Variants in DNAJC13 observed in about 807,000 individuals in gnomAD.
The protein encoded by DNAJC13 is DnaJ heat shock protein family (Hsp40) member C13.
Under a neutral mutation model 290.5 loss-of-function variants are expected in DNAJC13, and 75 were observed. The observed-to-expected ratio is 0.26, with a 90% CI of 0.21 to 0.31. DNAJC13 has a LOEUF of 0.31. Ranked by LOEUF, DNAJC13 falls within the 10% of genes least tolerant of loss-of-function variation. The pLI is 1.00. For missense variants in DNAJC13, 2,260 were observed against 2,674.5 expected, an observed-to-expected ratio of 0.85 and a Z score of 3.42; for synonymous variants, 862 against 892.0, an observed-to-expected ratio of 0.97 and a Z score of 0.60.
chr3:132,442,626 T>C (rs1442150162), intron 2 of DNAJC13, among the ~76,000 whole-genome samples: 13 of 152,190 alleles, frequency 8.5e-5, no homozygotes, highest in African/African-American at 3.1e-4. Flanking sequence ...CTCAAACACT[T>C]GTATTTCTTT....
At position 132,496,671 on chromosome 3, in the gene DNAJC13, G is replaced by T. The variant is rs1300469894; in HGVS notation, c.4156+8G>T. On this transcript the variant is annotated splice_region_variant and intron_variant, in intron 36 of 55. Coordinates refer to ENST00000260818, the MANE Select transcript of DNAJC13 (RefSeq NM_015268.4). The stretch of plus-strand genomic sequence containing the variant: ...TCAACCGTCATAAAGAAGGTAAGAT[G>T]TCTGTTCTCAGATTTTAATTTATCC... The T allele has an allele frequency of 6.3e-7, 1 of 1,593,396 alleles. No homozygotes were observed. The highest frequency in any genetic ancestry group is 1.8e-5 in the Admixed American group (1 of 56,204).
intron 55 of DNAJC13, among the ~76,000 whole-genome samples, chr3:132,531,402 AATAAAT>A (rs1936409662): frequency 6.6e-6 from 1 of 152,254 alleles, no homozygotes; most frequent in South Asian, 2.1e-4. Flanking sequence ...AAAGAGAAGG[AATAAAT>A]ATCTGCTGAG....
chr3:132,428,804 G>A (rs901569308), intron 1 of DNAJC13, among the ~76,000 whole-genome samples: 20 of 152,096 alleles, frequency 1.3e-4, no homozygotes, highest in Non-Finnish European at 2.4e-4. Flanking sequence ...GTGCCATCTC[G>A]GCTCACTGCA....
intron 35 of DNAJC13, among the ~76,000 whole-genome samples, chr3:132,495,589 A>G (rs1935211494): frequency 6.6e-6 from 1 of 152,166 alleles, no homozygotes; most frequent in African/African-American, 2.4e-5. Flanking sequence ...GAAACAGAAA[A>G]TTTAGTTCAG....
In DNAJC13 at chr3:132,522,921, C is replaced by T. The variant is rs1278095386; in HGVS notation, c.5767C>T (p.His1923Tyr). ...TGCTGTACATATTTTTGAAGGAACT[C>T]ATGAAAATCCTGAGTTAATTTGGAA... ...EAAVHIFEGTHENPELIWNDN... is the reference protein window; with the variant it reads ...EAAVHIFEGTYENPELIWNDN... Residue 1923 changes from histidine (H) to tyrosine (Y), a missense_variant, in exon 49 of 56, where the codon CAT becomes TAT. Physicochemically the swap from His to Tyr is moderately conservative, Grantham distance 83. Around this residue, in one of 3 missense-constraint regions of DNAJC13, gnomAD observed 1,494 missense variants for 1,693.7 expected, o/e 0.88. Transcript: ENST00000260818. 1 of 1,613,430 alleles carries T rather than the reference C, an allele frequency of 6.2e-7. No homozygotes were observed. Among genetic ancestry groups the T allele is most frequent in the Non-Finnish European group, 8.5e-7 (1 of 1,179,752 alleles).
intron 14 of DNAJC13, among the ~76,000 whole-genome samples, chr3:132,460,753 T>C (rs1933764711): frequency 6.6e-6 from 1 of 152,204 alleles, no homozygotes; most frequent in African/African-American, 2.4e-5. Context: ...TTGCAAATAT[T>C]GTCAAATATT....
rs566282086 is a variant in DNAJC13, at chr3:132,506,330, G to A, written c.4999-907G>A. 4.5e-3 allele frequency among the ~76,000 whole-genome samples: 688 copies of A among 151,708 alleles called. 3 individuals are homozygous for A. Among genetic ancestry groups the A allele is most frequent in the Middle Eastern group, 0.044 (13 of 294 alleles). On this transcript the variant is annotated intron_variant, in intron 42 of 55. Transcript: ENST00000260818. ...GCCTCCCACAGTTCTGGGATTACAG[G>A]CCTGAGTCACCGCGCCCGGCCTTCT...
chr3:132,463,768 C>A lies in DNAJC13; in HGVS notation c.1843C>A (p.His615Asn), dbSNP rs138466914. The A allele has an allele frequency of 5.0e-6, 8 of 1,613,248 alleles. No individual in the cohort carries two copies. In the African/African-American group the frequency reaches 9.3e-5, roughly 19 times the overall value. The change falls in exon 17 of 56, where the codon CAT (histidine) becomes AAT (asparagine). Residue 615 changes from histidine to asparagine, a missense_variant. This residue lies in a region of DNAJC13 where 762 missense variants were observed against 964.1 expected (regional missense o/e 0.79). Transcript: ENST00000260818. ...TGAAGGTGCCTTACCTCGACACTTG[C>A]ATACTGCGATGTTTACAATAAGCTC... ...LSEGALPRHL[H>N]TAMFTISSDQ...
At chr3:132,447,621 G>T in intron 4 of DNAJC13, 151 bp downstream of exon 4, 3 of 880,446 alleles carry the variant, frequency 3.4e-6, no homozygotes, top group African/African-American at 1.8e-5. Flanking sequence ...CCTGTGAAAC[G>T]TTCACTTTTC....
rs1175132075 is a variant in DNAJC13 at position 132,491,188 on chromosome 3, C to G, written c.3623+137C>G. 1.3e-5 allele frequency: 10 copies of G among 776,232 alleles called. No individual in the cohort carries two copies. The Admixed American group carries it at 3.4e-4, about 27-fold the overall frequency. 48.1% of individuals were successfully genotyped at this position (776,232 alleles called of 1,614,324 possible). On this transcript the variant is annotated intron_variant, in intron 32 of 55. Transcript: ENST00000260818. Reference sequence around the variant, plus strand: ...ATGACAGTAATCATTGATGCCAAATCAAATGATGGATTTTGATAAGGCCTT... The same window carrying G: ...ATGACAGTAATCATTGATGCCAAATGAAATGATGGATTTTGATAAGGCCTT...
chr3:132,538,460 A>G lies in DNAJC13; in HGVS notation c.*178A>G. The G allele has an allele frequency of 3.8e-6, 2 of 522,838 alleles. No individual in the cohort carries two copies. Among genetic ancestry groups the G allele is most frequent in the South Asian group, 6.4e-5 (2 of 31,352 alleles). The allele number at this position is 522,838 out of a possible 1,614,324, so 32.4% of individuals were successfully genotyped here. On this transcript the variant is annotated 3_prime_UTR_variant, in exon 56 of 56. Transcript: ENST00000260818. ...GTGATCCTAATTGTATCACATTATAAGAAAGCACTCTGTGGATCAACATAA... is the reference window on the plus strand; with the variant it reads ...GTGATCCTAATTGTATCACATTATAGGAAAGCACTCTGTGGATCAACATAA...
At chr3:132,432,201 T>C (rs780562536) in intron 1 of DNAJC13, among the ~76,000 whole-genome samples, 46 of 152,094 alleles carry the variant, frequency 3.0e-4, no homozygotes, top group Non-Finnish European at 6.3e-4. Flanking sequence ...TGTTTTGTTT[T>C]GTTTTTGTTT....
chr3:132,477,341 G>A (rs2107691466), intron 22 of DNAJC13, among the ~76,000 whole-genome samples: 1 of 152,254 alleles, frequency 6.6e-6, no homozygotes, highest in African/African-American at 2.4e-5. Context: ...AGTAACATGG[G>A]GTGATTTGAC....
intron 1 of DNAJC13, among the ~76,000 whole-genome samples, chr3:132,432,217 G>A (rs1010104462): frequency 6.6e-6 from 1 of 151,328 alleles, no homozygotes; most frequent in Non-Finnish European, 1.5e-5. Context: ...TGTTTTTTTG[G>A]GGGGGGACAG....
intron 44 of DNAJC13, among the ~76,000 whole-genome samples, chr3:132,511,540 A>G (rs1462011911): frequency 6.6e-6 from 1 of 152,212 alleles, no homozygotes; most frequent in Admixed American, 6.6e-5. Flanking sequence ...TTAAGTTAAC[A>G]TATCAAGTAT....
Position 132,492,497 on chromosome 3 carries a change from A to G in DNAJC13, c.3707A>G (p.Tyr1236Cys), listed in dbSNP as rs201263331. 3.1e-4 allele frequency: 493 copies of G among 1,613,774 alleles called. No homozygotes were observed. The highest frequency in any genetic ancestry group is 9.9e-4 in the Middle Eastern group (6 of 6,084). The change falls in exon 33 of 56, where the codon TAT becomes TGT. Residue 1236 changes from tyrosine (Y) to cysteine (C), a missense_variant. Physicochemically the swap from Tyr to Cys is radical, Grantham distance 194 (BLOSUM62 -2). This residue lies in a region of DNAJC13 where 1,494 missense variants were observed against 1,693.7 expected (regional missense o/e 0.88). Coordinates refer to ENST00000260818, the MANE Select transcript of DNAJC13 (RefSeq NM_015268.4). ...AGTAACACAAGAGCACTTTATCAGT[A>G]TTGCCCCATTCCTATAATCAACTAT... ...LQSNTRALYQYCPIPIINYPQ... is the reference protein window; with the variant it reads ...LQSNTRALYQCCPIPIINYPQ...
At chr3:132,459,961 T>C (rs1169903823) in intron 13 of DNAJC13, among the ~76,000 whole-genome samples, 1 of 152,192 alleles carries the variant, frequency 6.6e-6, no homozygotes, top group African/African-American at 2.4e-5. Context: ...TATAAAATTC[T>C]GGGTGGGCAA....
At position 132,494,183 on chromosome 3, in the gene DNAJC13, G is replaced by A; in HGVS notation, c.3865G>A (p.Glu1289Lys). The change falls in exon 34 of 56, where the codon GAA (glutamate) becomes AAA (lysine). Residue 1289 changes from glutamate to lysine, a missense_variant. Glu to Lys is a moderately conservative substitution (Grantham distance 56, BLOSUM62 1). This residue lies in a region of DNAJC13 where 1,494 missense variants were observed against 1,693.7 expected (regional missense o/e 0.88). Transcript: ENST00000260818. ...AGATACCCTTGATGCCTGGAAGAAA[G>A]AAGTAGAAAAGAAGCCACCTATGAT... is the stretch of plus-strand genomic sequence containing the variant. ...LKDTLDAWKK[E>K]VEKKPPMMSI... 1.2e-6 allele frequency: 2 copies of A among 1,612,842 alleles called. No individual in the cohort carries two copies. The highest frequency in any genetic ancestry group is 1.7e-6 in the Non-Finnish European group (2 of 1,179,492).
At chr3:132,516,675 T>G (rs762521945) in intron 47 of DNAJC13, 29 bp from the exon 48 acceptor site, 4 of 1,578,670 alleles carry the variant, frequency 2.5e-6, no homozygotes, top group Non-Finnish European at 8.6e-7. Flanking sequence ...AAATTCTTTA[T>G]AAGCACTAAT....
Sources: allele counts gnomAD v4.1 joint callset (sites outside exome capture counted in the v4.1 genomes callset), GRCh38; gene constraint gnomAD v4.1.1; regional missense constraint gnomAD v4.1.1; transcripts MANE v1.5; gene names NCBI Gene and HGNC (gene_info 2026-07-23, HGNC 2026-07-21).